The following CACNA1D variants were observed in gnomAD, a reference collection of about 807,000 sequenced individuals.
CACNA1D encodes voltage-dependent L-type calcium channel subunit alpha-1D.
CACNA1D carries 55 observed loss-of-function variants against 257.1 expected under a neutral mutation model. The observed-to-expected ratio is 0.21, with a 90% CI of 0.17 to 0.27. The LOEUF is 0.27. Among genes scored for constraint, CACNA1D ranks in the 10% least tolerant of loss-of-function variants. The pLI, the probability that CACNA1D is intolerant of heterozygous loss-of-function variation, is 1.00. For missense variants in CACNA1D, 1,876 were observed against 2,784.0 expected (o/e 0.67, Z 7.34); for synonymous variants, 980 against 1,014.9 (o/e 0.97, Z 0.65).
chr3:53,663,839 A>C (rs1478725834), intron 5 of CACNA1D, among the ~76,000 whole-genome samples: 1 of 151,334 alleles, frequency 6.6e-6, no homozygotes, highest in Non-Finnish European at 1.5e-5. Context: ...CCCAGACTGG[A>C]GTTGCAACCT....
At chr3:53,639,954 C>G (rs1036055047) in intron 3 of CACNA1D, among the ~76,000 whole-genome samples, 1 of 150,592 alleles carries the variant, frequency 6.6e-6, no homozygotes, top group Admixed American at 6.6e-5. Context: ...CTCTGCCTCC[C>G]GGGTTCAAAC....
intron 3 of CACNA1D, among the ~76,000 whole-genome samples, chr3:53,559,057 T>C (rs1356818254): frequency 6.6e-6 from 1 of 151,782 alleles, no homozygotes; most frequent in South Asian, 2.1e-4. Flanking sequence ...TGCTTATTTT[T>C]ATAATCTTTT....
At chr3:53,728,392 G>A (rs888932750) in intron 15 of CACNA1D, among the ~76,000 whole-genome samples, 1 of 152,102 alleles carries the variant, frequency 6.6e-6, no homozygotes, top group Non-Finnish European at 1.5e-5. Context: ...GCCCGCCTTG[G>A]CCTCCCAAAG....
In CACNA1D at chr3:53,723,836, C is replaced by G; in HGVS notation, c.1937C>G (p.Ser646Cys). 1.9e-6 allele frequency: 3 copies of G among 1,614,198 alleles called. No homozygotes were observed. Among genetic ancestry groups the G allele is most frequent in the Non-Finnish European group, 1.7e-6 (2 of 1,180,022 alleles). ...AACTTAGTGGCATCCTTATTAAACT[C>G]CATGAAGTCCATCGCTTCGCTGTTG... ...LSNLVASLLN[S>C]MKSIASLLLL... is the part of the protein sequence containing the mutation. The change falls in exon 14 of 48, where the codon TCC (serine) becomes TGC (cysteine). Residue 646 changes from serine to cysteine, a missense_variant. Ser to Cys is a moderately radical substitution (Grantham distance 112, BLOSUM62 -1). Transcript: ENST00000350061. This position sits in a 1 kb window ranked among gnomAD's most constrained non-coding sequence, Gnocchi z 5.6.
chr3:53,501,863 T>G (rs929583600), intron 3 of CACNA1D, 143 bp downstream of exon 3: 9 of 635,954 alleles, frequency 1.4e-5, no homozygotes, highest in Non-Finnish European at 8.5e-6. Flanking sequence ...AGTGGTTTTT[T>G]GTTTGTTTGT....
At chr3:53,699,922 T>C (rs2094606342) in intron 8 of CACNA1D, among the ~76,000 whole-genome samples, 1 of 152,030 alleles carries the variant, frequency 6.6e-6, no homozygotes. Flanking sequence ...TGATGCAGCT[T>C]GTTAGAAATG....
chr3:53,726,788 A>T, intron 14 of CACNA1D, 91 bp from the exon 15 acceptor site: 1 of 1,552,542 alleles, frequency 6.4e-7, no homozygotes, highest in Non-Finnish European at 8.9e-7. Context: ...AAGGCAGCTT[A>T]AACCAGATCT....
At chr3:53,623,130 A>G (rs12486029) in intron 3 of CACNA1D, among the ~76,000 whole-genome samples, 43,924 of 152,174 alleles carry the variant, frequency 0.29, 7,158 homozygotes, top group Non-Finnish European at 0.37. Context: ...CCTCGTGATC[A>G]GCCGGTCTTG....
intron 3 of CACNA1D, among the ~76,000 whole-genome samples, chr3:53,592,539 G>A (rs970072999): frequency 6.6e-6 from 1 of 152,178 alleles, no homozygotes; most frequent in African/African-American, 2.4e-5. Flanking sequence ...GTCACCTTAG[G>A]TCTCTCATGA....
intron 3 of CACNA1D, among the ~76,000 whole-genome samples, chr3:53,569,475 A>G (rs933316421): frequency 2.6e-5 from 4 of 152,226 alleles, no homozygotes; most frequent in African/African-American, 9.6e-5. Flanking sequence ...TGCCTGGCAC[A>G]TAGTAGGTAC....
chr3:53,505,410 A>G (rs2090799760), intron 3 of CACNA1D, among the ~76,000 whole-genome samples: 1 of 152,160 alleles, frequency 6.6e-6, no homozygotes, highest in Non-Finnish European at 1.5e-5. Flanking sequence ...CGCCTGGCCT[A>G]TATGCACATC....
intron 3 of CACNA1D, among the ~76,000 whole-genome samples, chr3:53,508,691 T>G (rs1272731551): frequency 1.3e-5 from 2 of 152,184 alleles, no homozygotes; most frequent in African/African-American, 2.4e-5. Flanking sequence ...CTCATTGGTG[T>G]TTGTTTACTT....
chr3:53,781,900 G>A (rs2095427289), intron 39 of CACNA1D: 1 of 533,590 alleles, frequency 1.9e-6, no homozygotes, highest in Non-Finnish European at 3.3e-6. Context: ...CACATGGCTG[G>A]AGCAGGGATT....
At chr3:53,620,934 T>C (rs1020074157) in intron 3 of CACNA1D, among the ~76,000 whole-genome samples, 1 of 152,184 alleles carries the variant, frequency 6.6e-6, no homozygotes, top group African/African-American at 2.4e-5. Context: ...GTGCCTGTCC[T>C]CAGTGGCTAG....
rs368995943 is a variant in CACNA1D at position 53,497,456 on chromosome 3, A to C, written c.372A>C (p.Glu124Asp). Residue 124 changes from glutamate to aspartate, a missense_variant, in exon 2 of 48, where the codon GAA becomes GAC. By Grantham distance (45) the Glu-to-Asp change is conservative. This residue lies in a region of CACNA1D where 143 missense variants were observed against 168.7 expected (regional missense o/e 0.85). Coordinates refer to ENST00000350061, the MANE Select transcript of CACNA1D (RefSeq NM_001128840.3). ...PIRRACISIV[E>D]WKPFDIFILL... The stretch of plus-strand genomic sequence containing the variant: ...GAAGAGCCTGCATTAGTATAGTGGA[A>C]TGGAAGTATCCTTTTTTTGGGGGAA... 9.2e-5 allele frequency: 148 copies of C among 1,613,868 alleles called. No individual in the cohort carries two copies. The highest frequency in any genetic ancestry group is 1.2e-4 in the Non-Finnish European group (142 of 1,179,876).
chr3:53,592,510 A>G (rs560677400), intron 3 of CACNA1D, among the ~76,000 whole-genome samples: 3 of 152,254 alleles, frequency 2.0e-5, no homozygotes, highest in Admixed American at 6.5e-5. Context: ...AGCAGGGGAC[A>G]TTATCTGATT....
chr3:53,520,847 C>A (rs923450468), intron 3 of CACNA1D, among the ~76,000 whole-genome samples: 1 of 119,030 alleles, frequency 8.4e-6, no homozygotes, highest in Non-Finnish European at 1.8e-5. Flanking sequence ...GATTTGCAAA[C>A]TCCTTTCTTT....
chr3:53,619,104 A>C (rs748962231), intron 3 of CACNA1D, among the ~76,000 whole-genome samples: 6 of 152,186 alleles, frequency 3.9e-5, no homozygotes, highest in Non-Finnish European at 8.8e-5. Context: ...GCATAACAGT[A>C]GGTCCATTGG....
chr3:53,684,494 A>G (rs1398325177), intron 8 of CACNA1D, among the ~76,000 whole-genome samples: 1 of 151,978 alleles, frequency 6.6e-6, no homozygotes, highest in Non-Finnish European at 1.5e-5. Flanking sequence ...GTGGTGGCGC[A>G]TGCCTGTGGT....
Sources: allele counts gnomAD v4.1 joint callset (sites outside exome capture counted in the v4.1 genomes callset), GRCh38; gene constraint gnomAD v4.1.1; regional missense constraint gnomAD v4.1.1; non-coding constraint Gnocchi (gnomAD v3.1); transcripts MANE v1.5; gene names NCBI Gene and HGNC (gene_info 2026-07-23, HGNC 2026-07-21).